The following ESR1 variants were observed in gnomAD, a reference collection of about 807,000 sequenced individuals.
ESR1 encodes estrogen receptor.
Under a neutral mutation model 52.7 loss-of-function variants are expected in ESR1, and 12 were observed. The observed-to-expected ratio is 0.23, with a 90% confidence interval of 0.15 to 0.37. ESR1 has a LOEUF of 0.37. ESR1 is among the 10% of genes least tolerant of loss of function. The pLI, the probability that ESR1 is intolerant of heterozygous loss-of-function variation, is 1.00. For missense variants in ESR1, 584 were observed against 779.7 expected (o/e 0.75, Z 2.99); for synonymous variants, 305 against 316.8 (o/e 0.96, Z 0.39).
chr6:151,944,304 A>G lies in ESR1; in HGVS notation c.892A>G (p.Ile298Val). 1 of 1,614,176 alleles carries G rather than the reference A, an allele frequency of 6.2e-7. No homozygotes were observed. Among genetic ancestry groups the G allele is most frequent in the Non-Finnish European group, 8.5e-7 (1 of 1,180,028 alleles). The change falls in exon 4 of 8, where the codon ATC (isoleucine) becomes GTC (valine). Residue 298 changes from isoleucine to valine, a missense_variant. By Grantham distance (29) the Ile-to-Val change is conservative. This residue lies in a region of ESR1 where 88 missense variants were observed against 88.3 expected (regional missense o/e 1.00). Coordinates refer to ENST00000206249, the MANE Select transcript of ESR1 (RefSeq NM_000125.4). ...CAACCTTTGGCCAAGCCCGCTCATG[A>G]TCAAACGCTCTAAGAAGAACAGCCT... ...AANLWPSPLM[I>V]KRSKKNSLAL...
chr6:151,899,155 G>A (rs1363413460), intron 3 of ESR1, among the ~76,000 whole-genome samples: 2 of 147,372 alleles, frequency 1.4e-5, no homozygotes, highest in Non-Finnish European at 1.5e-5. Flanking sequence ...CCCGGACGGG[G>A]CGGCTGGCCG....
At chr6:151,959,555 C>A (rs1584481542) in intron 4 of ESR1, among the ~76,000 whole-genome samples, 1 of 152,152 alleles carries the variant, frequency 6.6e-6, no homozygotes, top group Non-Finnish European at 1.5e-5. Context: ...GCTCCTACCT[C>A]CACCAGCTTT....
At chr6:151,976,980 G>T (rs1360786955) in intron 4 of ESR1, among the ~76,000 whole-genome samples, 1 of 152,214 alleles carries the variant, frequency 6.6e-6, no homozygotes, top group East Asian at 1.9e-4. Context: ...TTTATTTAGA[G>T]ACTTCTTTTG....
intron 2 of ESR1, among the ~76,000 whole-genome samples, chr6:151,791,013 A>G (rs1386698156): frequency 6.6e-6 from 1 of 152,194 alleles, no homozygotes; most frequent in Non-Finnish European, 1.5e-5. Context: ...CTGATCATGA[A>G]TTGTTTACAG....
At chr6:151,933,296 A>G (rs1163760599) in intron 3 of ESR1, among the ~76,000 whole-genome samples, 2 of 149,886 alleles carry the variant, frequency 1.3e-5, no homozygotes, top group South Asian at 2.2e-4. Flanking sequence ...ATTTTTGTAC[A>G]TTGATTTTGT....
intron 3 of ESR1, among the ~76,000 whole-genome samples, chr6:151,930,142 C>G (rs1030421055): frequency 9.9e-6 from 1 of 101,004 alleles, no homozygotes; most frequent in East Asian, 2.3e-4. Context: ...TGCCACCATG[C>G]CCGGCTAATT....
At chr6:151,839,779 T>G (rs889224738) in intron 1 of ESR1, among the ~76,000 whole-genome samples, 1 of 152,106 alleles carries the variant, frequency 6.6e-6, no homozygotes, top group Non-Finnish European at 1.5e-5. Context: ...AAAAGTAGAT[T>G]GGTGGCTGCT....
chr6:152,084,432 G>A (rs59223084), intron 6 of ESR1, among the ~76,000 whole-genome samples: 30,526 of 150,086 alleles, frequency 0.2, 4,334 homozygotes, highest in African/African-American at 0.39. Context: ...AAAAAAAAAA[G>A]AAAGAAAAGA....
chr6:151,699,424 A>C (rs1226570949), intron 1 of ESR1, among the ~76,000 whole-genome samples: 1 of 152,202 alleles, frequency 6.6e-6, no homozygotes, highest in Non-Finnish European at 1.5e-5. Flanking sequence ...TTGGTTCTAA[A>C]TTTATTGCCA....
rs1210135856 is a variant in ESR1 at position 151,925,122 on chromosome 6, G to GTTTTTTTTTT, written c.761-19051_761-19050insTTTTTTTTTT. Among the ~76,000 whole-genome samples, 32 of 38,736 alleles carry GTTTTTTTTTT rather than the reference G, an allele frequency of 8.3e-4. 1 individual carries two copies. Among genetic ancestry groups the GTTTTTTTTTT allele is most frequent in the East Asian group, 7.1e-3 (21 of 2,958 alleles). The allele number at this position is 38,736 out of a possible 152,430, so 25.4% of individuals were successfully genotyped here. A position where few individuals can be genotyped will look rare whatever the true frequency, so the allele number is the denominator to read the frequency against. On this transcript the variant is annotated intron_variant, in intron 3 of 7. Coordinates refer to ENST00000206249, the MANE Select transcript of ESR1 (RefSeq NM_000125.4). ...TTTCTCCATAACCTCCCCAGCATCT[G>GTTTTTTTTTT]GTTTTTTTTGTTTGTTTGTTTGTTT... is the stretch of plus-strand genomic sequence containing the variant.
intron 5 of ESR1, among the ~76,000 whole-genome samples, chr6:152,018,929 G>T (rs1380970166): frequency 6.6e-6 from 1 of 152,036 alleles, no homozygotes; most frequent in African/African-American, 2.4e-5. Flanking sequence ...CATTCAATGT[G>T]TGAGAATACA....
intron 3 of ESR1, among the ~76,000 whole-genome samples, chr6:151,917,169 C>A (rs1326824301): frequency 2.0e-5 from 3 of 152,094 alleles, no homozygotes; most frequent in Non-Finnish European, 4.4e-5. Flanking sequence ...AGAAGAGATC[C>A]ATGGCAAAGT....
At chr6:151,729,494 G>A (rs191137362) in intron 2 of ESR1, among the ~76,000 whole-genome samples, 2 of 152,262 alleles carry the variant, frequency 1.3e-5, no homozygotes, top group East Asian at 1.9e-4. Flanking sequence ...GTACGCAGGG[G>A]AATTAATAAT....
intron 5 of ESR1, among the ~76,000 whole-genome samples, chr6:152,058,265 C>G (rs998396267): frequency 2.6e-5 from 4 of 152,110 alleles, no homozygotes; most frequent in Non-Finnish European, 5.9e-5. Context: ...GTATGTTCTC[C>G]CCACTCAATG....
chr6:151,698,189 A>T (rs1779507609), intron 1 of ESR1, among the ~76,000 whole-genome samples: 1 of 151,792 alleles, frequency 6.6e-6, no homozygotes, highest in African/African-American at 2.4e-5. Flanking sequence ...AACATGGCGA[A>T]ACCCCATCTC....
chr6:151,788,900 G>A (rs917704730), intron 2 of ESR1, among the ~76,000 whole-genome samples: 3 of 152,134 alleles, frequency 2.0e-5, no homozygotes, highest in Admixed American at 1.3e-4. Flanking sequence ...GGAGCTACAT[G>A]ATTAGAATTC....
At chr6:152,016,833 A>G (rs1052207133) in intron 5 of ESR1, among the ~76,000 whole-genome samples, 31 of 152,172 alleles carry the variant, frequency 2.0e-4, no homozygotes, top group African/African-American at 7.5e-4. Context: ...GCATTGTGAC[A>G]CTACCTCTGC....
intron 2 of ESR1, among the ~76,000 whole-genome samples, chr6:151,747,251 G>A (rs1354004192): frequency 6.6e-6 from 1 of 152,342 alleles, no homozygotes; most frequent in East Asian, 1.9e-4. Context: ...AACACTGGGA[G>A]ATTCAGTGAG....
rs550730896 is a variant in ESR1 at position 152,100,171 on chromosome 6, G to A, written c.*1205G>A. ...TTGGGGGTGCCCTGGGATCCCTGGG[G>A]TAGTCCAGCTCTTCTTCATTTCCCA... On this transcript the variant is annotated 3_prime_UTR_variant, in exon 8 of 8. Transcript: ENST00000206249. 1.0e-5 allele frequency: 4 copies of A among 398,256 alleles called. No individual in the cohort carries two copies. Among genetic ancestry groups the A allele is most frequent in the Non-Finnish European group, 1.8e-5 (4 of 225,994 alleles). 24.7% of individuals were successfully genotyped at this position (398,256 alleles called of 1,614,324 possible).
Sources: allele counts gnomAD v4.1 joint callset (sites outside exome capture counted in the v4.1 genomes callset), GRCh38; gene constraint gnomAD v4.1.1; regional missense constraint gnomAD v4.1.1; transcripts MANE v1.5; gene names NCBI Gene and HGNC (gene_info 2026-07-23, HGNC 2026-07-21).